The following FER1L6 variants were observed in gnomAD, a reference collection of about 807,000 sequenced individuals.
FER1L6 encodes the protein fer-1 like family member 6.
Under a neutral mutation model 219.2 loss-of-function variants are expected in FER1L6, and 177 were observed. The observed-to-expected ratio is 0.81, with a 90% CI of 0.71 to 0.91. The LOEUF (loss-of-function observed/expected upper bound fraction) is 0.91. FER1L6 is among the 40% of genes least tolerant of loss of function. FER1L6 has a pLI of 0.00. For synonymous variants in FER1L6, 768 were observed against 824.3 expected, an observed-to-expected ratio of 0.93 and a Z score of 1.17; for missense variants, 2,153 against 2,259.9, an observed-to-expected ratio of 0.95 and a Z score of 0.96.
chr8:124,023,406 C>T lies in FER1L6; in HGVS notation c.2134-38C>T, dbSNP rs1369099125. On this transcript the variant is annotated intron_variant, in intron 17 of 40. Transcript: ENST00000522917. ...TTGTTCAATGCCAACCTTTCAAATC[C>T]CATTCCTATTCAATCCCAACTCCCT... 5 of 1,596,202 alleles carry T rather than the reference C, an allele frequency of 3.1e-6. No individual in the cohort carries two copies. The East Asian group carries it at 1.1e-4, about 36-fold the overall frequency.
At chr8:123,977,274 G>A (rs1445968787) in intron 9 of FER1L6, 143 bp from the exon 10 acceptor site, 13 of 750,170 alleles carry the variant, frequency 1.7e-5, no homozygotes, top group African/African-American at 3.5e-5. Context: ...AGTCACGTTC[G>A]CTGAGTGTAA....
chr8:124,117,128 AGTATGAGCTTTG>A (rs1357703631), intron 39 of FER1L6, among the ~76,000 whole-genome samples: 1 of 152,258 alleles, frequency 6.6e-6, no homozygotes, highest in Non-Finnish European at 1.5e-5. Flanking sequence ...TAATGGAAAG[AGTATGAGCTTTG>A]GTATCATACA....
intron 32 of FER1L6, among the ~76,000 whole-genome samples, chr8:124,078,803 T>A (rs1053694184): frequency 1.6e-4 from 24 of 151,720 alleles, no homozygotes; most frequent in South Asian, 4.2e-4. Flanking sequence ...TGGGTATCAA[T>A]CCGGGTTCCA....
intron 31 of FER1L6, among the ~76,000 whole-genome samples, chr8:124,072,901 G>A (rs79155143): frequency 9.1e-4 from 139 of 152,294 alleles, no homozygotes; most frequent in Admixed American, 2.1e-3. Context: ...CAAACAGAAC[G>A]TATGTTCAAA....
chr8:124,067,038 C>T (rs574618860), intron 27 of FER1L6, among the ~76,000 whole-genome samples: 2 of 152,248 alleles, frequency 1.3e-5, no homozygotes, highest in South Asian at 2.1e-4. Context: ...AGCAGGGCCT[C>T]ATGTCCATGG....
intron 3 of FER1L6, among the ~76,000 whole-genome samples, 193 bp downstream of exon 3, chr8:123,963,591 C>G (rs979594217): frequency 6.6e-6 from 1 of 152,178 alleles, no homozygotes; most frequent in Non-Finnish European, 1.5e-5. Context: ...TACCGTTCAG[C>G]CTTCATCAGG....
At chr8:123,864,239 G>A (rs1740729055) in intron 1 of FER1L6, among the ~76,000 whole-genome samples, 1 of 150,224 alleles carries the variant, frequency 6.7e-6, no homozygotes, top group African/African-American at 2.5e-5. Context: ...CACTTATGAA[G>A]CTTAGTTTGG....
intron 39 of FER1L6, among the ~76,000 whole-genome samples, chr8:124,107,208 A>T (rs1416923190): frequency 6.6e-6 from 1 of 152,118 alleles, no homozygotes; most frequent in Non-Finnish European, 1.5e-5. Flanking sequence ...TCAGCCTCTC[A>T]AAGTGCTGGG....
intron 12 of FER1L6, among the ~76,000 whole-genome samples, chr8:123,998,592 G>A (rs969340132): frequency 2.6e-5 from 4 of 152,098 alleles, no homozygotes; most frequent in South Asian, 2.1e-4. Context: ...AGGACCAAGG[G>A]CTGTACCTCA....
intron 31 of FER1L6, among the ~76,000 whole-genome samples, chr8:124,072,701 G>T (rs1022606991): frequency 4.6e-5 from 7 of 152,176 alleles, no homozygotes; most frequent in African/African-American, 1.7e-4. Flanking sequence ...GTGATGAAAA[G>T]AACATAGTCT....
chr8:123,864,108 G>A (rs2130260241), intron 1 of FER1L6, among the ~76,000 whole-genome samples: 1 of 149,504 alleles, frequency 6.7e-6, no homozygotes, highest in East Asian at 1.9e-4. Context: ...TGATTTTGCA[G>A]CGGCTGGTAC....
intron 1 of FER1L6, among the ~76,000 whole-genome samples, chr8:123,885,378 G>A (rs1210528888): frequency 6.6e-6 from 1 of 152,120 alleles, no homozygotes; most frequent in Non-Finnish European, 1.5e-5. Context: ...CTGCTGTCTT[G>A]TATCTTATTC....
At position 123,852,754 on chromosome 8, in the gene FER1L6, T is replaced by C. The variant is rs1816537121; in HGVS notation, c.-8+569T>C. ...TAACATCTTATATTACCATGGTACA[T>C]TTATGAAAATGAAGAAACTGAAAAT... On this transcript the variant is annotated intron_variant, in intron 1 of 40. Coordinates refer to ENST00000522917, the MANE Select transcript of FER1L6 (RefSeq NM_001039112.2). The surrounding 1 kb of genome is among the most constrained non-coding windows in gnomAD (Gnocchi z 4.9). Among the ~76,000 whole-genome samples the C allele has an allele frequency of 6.6e-6, 1 of 152,160 alleles. No homozygotes were observed. Among genetic ancestry groups the C allele is most frequent in the Admixed American group, 6.5e-5 (1 of 15,280 alleles).
chr8:124,079,819 G>C (rs571945198), intron 32 of FER1L6, among the ~76,000 whole-genome samples: 98 of 152,302 alleles, frequency 6.4e-4, no homozygotes, highest in African/African-American at 2.2e-3. Flanking sequence ...AAATGGCTAA[G>C]ATTAGAAGTT....
chr8:123,931,892 T>C (rs1451789512), intron 1 of FER1L6, among the ~76,000 whole-genome samples: 1 of 152,208 alleles, frequency 6.6e-6, no homozygotes, highest in East Asian at 1.9e-4. Context: ...GAACTAAATA[T>C]TGAAGTACAA....
At chr8:123,962,883 TTCCC>T (rs1319011179) in intron 2 of FER1L6, among the ~76,000 whole-genome samples, 1 of 152,078 alleles carries the variant, frequency 6.6e-6, no homozygotes, top group Non-Finnish European at 1.5e-5. Flanking sequence ...TTGCCTCAGC[TTCCC>T]AAAGTGCTCG....
intron 31 of FER1L6, among the ~76,000 whole-genome samples, chr8:124,074,339 T>A (rs891983171): frequency 6.6e-6 from 1 of 152,152 alleles, no homozygotes; most frequent in Non-Finnish European, 1.5e-5. Flanking sequence ...GATGACATGA[T>A]TTGCCCAATA....
At chr8:123,955,807 C>T (rs978107560) in intron 1 of FER1L6, among the ~76,000 whole-genome samples, 185 bp from the exon 2 acceptor site, 2 of 152,172 alleles carry the variant, frequency 1.3e-5, no homozygotes, top group African/African-American at 4.8e-5. Flanking sequence ...TTTGTGGTTT[C>T]TGCAAAAGCA....
chr8:123,891,126 A>T (rs560952135), intron 1 of FER1L6, among the ~76,000 whole-genome samples: 2 of 152,290 alleles, frequency 1.3e-5, no homozygotes, highest in South Asian at 2.1e-4. Flanking sequence ...TTTCTAGCGA[A>T]CTTTGATCCC....
Sources: allele counts gnomAD v4.1 joint callset (sites outside exome capture counted in the v4.1 genomes callset), GRCh38; gene constraint gnomAD v4.1.1; non-coding constraint Gnocchi (gnomAD v3.1); transcripts MANE v1.5; gene names NCBI Gene and HGNC (gene_info 2026-07-23, HGNC 2026-07-21).